Variants in FAM222B observed in about 807,000 individuals in gnomAD.
FAM222B encodes family with sequence similarity 222 member B.
Under a neutral mutation model 38.0 loss-of-function variants are expected in FAM222B, and 12 were observed. That is an observed-to-expected ratio of 0.32 (90% CI 0.20 to 0.51). The LOEUF (loss-of-function observed/expected upper bound fraction) is 0.51. FAM222B is among the 20% of genes least tolerant of loss of function. The pLI is 0.97. For synonymous variants in FAM222B, 329 were observed against 317.2 expected, an observed-to-expected ratio of 1.04 and a Z score of -0.40; for missense variants, 716 against 754.2, an observed-to-expected ratio of 0.95 and a Z score of 0.59.
intron 1 of FAM222B, among the ~76,000 whole-genome samples, chr17:28,850,341 G>T (rs1015021681): frequency 1.3e-5 from 2 of 150,610 alleles, no homozygotes; most frequent in African/African-American, 4.9e-5. Context: ...TTGCTCTGTC[G>T]CCCGGGCTGG....
intron 1 of FAM222B, among the ~76,000 whole-genome samples, chr17:28,803,720 C>T (rs1292158426): frequency 6.6e-6 from 1 of 152,094 alleles, no homozygotes; most frequent in Non-Finnish European, 1.5e-5. Context: ...TGGCTCACGC[C>T]TGTAATCCCA....
chr17:28,813,702 A>ATTT (rs571045731), intron 1 of FAM222B, among the ~76,000 whole-genome samples: 7 of 135,332 alleles, frequency 5.2e-5, no homozygotes, highest in African/African-American at 1.1e-4. Context: ...CGCCCAGCTA[A>ATTT]TTTTTTTTTT....
intron 1 of FAM222B, among the ~76,000 whole-genome samples, chr17:28,854,372 C>A (rs1477013391): frequency 1.3e-5 from 2 of 152,212 alleles, no homozygotes; most frequent in African/African-American, 2.4e-5. Context: ...TAAGCCACTT[C>A]TTCCTCCTTT....
Position 28,756,681 on chromosome 17 carries a change from A to C in FAM222B, c.*1589T>G, listed in dbSNP as rs2034711019. The C allele has an allele frequency of 6.6e-6, 1 of 152,580 alleles. No individual in the cohort carries two copies. Among genetic ancestry groups the C allele is most frequent in the Non-Finnish European group, 1.5e-5 (1 of 68,040 alleles). The allele number at this position is 152,580 out of a possible 1,614,324, so 9.5% of individuals were successfully genotyped here. A position where few individuals can be genotyped will look rare whatever the true frequency, so the allele number is the denominator to read the frequency against. ...CGGCAGGAAAACAATTGGGAACAAT[A>C]AATTAGGACTTCATGTTGCTATCAT... On this transcript the variant is annotated 3_prime_UTR_variant, in exon 3 of 3. Coordinates refer to ENST00000581407, the MANE Select transcript of FAM222B (RefSeq NM_001077498.3).
At chr17:28,790,816 A>C (rs1418860500) in intron 1 of FAM222B, among the ~76,000 whole-genome samples, 4 of 151,192 alleles carry the variant, frequency 2.6e-5, no homozygotes, top group Non-Finnish European at 1.5e-5. Flanking sequence ...AACACTGTCA[A>C]ATGATTGAAA....
At chr17:28,810,057 T>A (rs1023886633) in intron 1 of FAM222B, among the ~76,000 whole-genome samples, 2 of 151,980 alleles carry the variant, frequency 1.3e-5, no homozygotes, top group Admixed American at 6.6e-5. Context: ...AGTGCAGTGG[T>A]ACAACCTTGG....
intron 1 of FAM222B, among the ~76,000 whole-genome samples, chr17:28,800,354 A>G (rs1269605905): frequency 2.6e-5 from 4 of 152,060 alleles, no homozygotes; most frequent in Non-Finnish European, 5.9e-5. Context: ...ACTAGTTGTG[A>G]GGAACTGAAA....
In FAM222B at chr17:28,758,434, T is replaced by C. The variant is rs1370652709; in HGVS notation, c.1525A>G (p.Ser509Gly). The change falls in exon 3 of 3, where the codon AGC (serine) becomes GGC (glycine). Residue 509 changes from serine to glycine, a missense_variant. By Grantham distance (56) the Ser-to-Gly change is moderately conservative. Coordinates refer to ENST00000581407, the MANE Select transcript of FAM222B (RefSeq NM_001077498.3). The stretch of plus-strand genomic sequence containing the variant: ...AGGTAATCCACTGTTTGCATCAAGC[T>C]GTTCTGGCTTGCCACTGGACCGCCC... ...TGGGPVASQN[S>G]LMQTVDYLSG... is the part of the protein sequence containing the mutation. The C allele has an allele frequency of 8.7e-6, 14 of 1,613,906 alleles. No homozygotes were observed. The highest frequency in any genetic ancestry group is 1.1e-5 in the Non-Finnish European group (13 of 1,179,858).
At chr17:28,830,270 T>A (rs947058826) in intron 1 of FAM222B, among the ~76,000 whole-genome samples, 6 of 150,586 alleles carry the variant, frequency 4.0e-5, no homozygotes, top group Non-Finnish European at 8.8e-5. Context: ...TACGCCATTC[T>A]CCTACCTCGG....
At chr17:28,769,304 GA>G (rs1456805502) in intron 1 of FAM222B, among the ~76,000 whole-genome samples, 1 of 144,798 alleles carries the variant, frequency 6.9e-6, no homozygotes, top group Non-Finnish European at 1.5e-5. Context: ...TCAGCCTCCC[GA>G]GTAGCTGGGA....
At chr17:28,836,282 C>G (rs959036317) in intron 1 of FAM222B, among the ~76,000 whole-genome samples, 2 of 152,094 alleles carry the variant, frequency 1.3e-5, no homozygotes, top group African/African-American at 4.8e-5. Context: ...GCCACCGCGC[C>G]TGGCCCTAAA....
At chr17:28,830,093 C>T (rs963351317) in intron 1 of FAM222B, among the ~76,000 whole-genome samples, 3 of 151,582 alleles carry the variant, frequency 2.0e-5, no homozygotes, top group Non-Finnish European at 4.4e-5. Flanking sequence ...TCGTGATCCA[C>T]CCACCTCGGC....
intron 1 of FAM222B, among the ~76,000 whole-genome samples, chr17:28,784,522 A>G (rs2036309742): frequency 7.5e-6 from 1 of 133,178 alleles, no homozygotes; most frequent in Non-Finnish European, 1.6e-5. Flanking sequence ...AAAAAAAAAA[A>G]AAAAAAAAAG....
intron 1 of FAM222B, among the ~76,000 whole-genome samples, chr17:28,832,230 AC>A (rs965814745): frequency 5.3e-5 from 8 of 152,154 alleles, no homozygotes; most frequent in Non-Finnish European, 1.0e-4. Flanking sequence ...AAAGAAAAAA[AC>A]AATGGAGGTA....
At position 28,757,995 on chromosome 17, in the gene FAM222B, G is replaced by A. The variant is rs1334173225; in HGVS notation, c.*275C>T. 1.2e-5 allele frequency: 4 copies of A among 342,976 alleles called. No individual in the cohort carries two copies. The highest frequency in any genetic ancestry group is 5.0e-5 in the East Asian group (1 of 19,848). The allele number at this position is 342,976 out of a possible 1,614,324, so 21.2% of individuals were successfully genotyped here. A position where few individuals can be genotyped will look rare whatever the true frequency, so the allele number is the denominator to read the frequency against. ...AAGAAAAGATGGGTGGGAGCTGGCTGGAAATGGCCAAGGTGGAGAGACTAG... is the reference window on the plus strand; with the variant it reads ...AAGAAAAGATGGGTGGGAGCTGGCTAGAAATGGCCAAGGTGGAGAGACTAG... On this transcript the variant is annotated 3_prime_UTR_variant, in exon 3 of 3. Transcript: ENST00000581407.
At position 28,796,789 on chromosome 17, in the gene FAM222B, T is replaced by C. The variant is rs139983323; in HGVS notation, c.-40-30082A>G. Among the ~76,000 whole-genome samples the C allele has an allele frequency of 4.9e-3, 740 of 151,836 alleles. 5 individuals carry two copies. The highest frequency in any genetic ancestry group is 0.011 in the Admixed American group (169 of 15,222). On this transcript the variant is annotated intron_variant, in intron 1 of 2. Transcript: ENST00000581407. ...GAATAATTGTGAGGATTAAATGAGA[T>C]GGTATTTGCAAAGTGGTTAGTACAC...
chr17:28,778,708 TATATA>T (rs2036017488), intron 1 of FAM222B, among the ~76,000 whole-genome samples: 7 of 82,824 alleles, frequency 8.5e-5, no homozygotes, highest in Non-Finnish European at 1.4e-4. Context: ...TATATATATA[TATATA>T]TATATATTTT....
chr17:28,843,300 G>A (rs542600496), upstream of FAM222B, among the ~76,000 whole-genome samples: 11 of 151,198 alleles, frequency 7.3e-5, no homozygotes, highest in Admixed American at 4.0e-4. Context: ...ACCACGCCCA[G>A]CTAATTTTGT....
chr17:28,760,773 TG>T lies in FAM222B; in HGVS notation c.83-898del, dbSNP rs147223357. ...CAGCTTTCCCTTGCATCTTGGCAGC[TG>T]GGGGGCTTTGCCCACTGGGTGGGCA... On this transcript the variant is annotated intron_variant, in intron 2 of 2. Transcript: ENST00000581407. Among the ~76,000 whole-genome samples, 120 of 152,236 alleles carry T rather than the reference TG, an allele frequency of 7.9e-4. 2 individuals carry two copies. In the East Asian group the frequency reaches 0.018, roughly 23 times the overall value.
Sources: allele counts gnomAD v4.1 joint callset (sites outside exome capture counted in the v4.1 genomes callset), GRCh38; gene constraint gnomAD v4.1.1; transcripts MANE v1.5; gene names NCBI Gene and HGNC (gene_info 2026-07-23, HGNC 2026-07-21).